PXDNL: variants seen among roughly 807,000 people sequenced by gnomAD.
The protein encoded by PXDNL is peroxidasin like.
Under a neutral mutation model 150.8 loss-of-function variants are expected in PXDNL, and 145 were observed. The observed-to-expected ratio is 0.96, with a 90% confidence interval of 0.84 to 1.10. The LOEUF (loss-of-function observed/expected upper bound fraction) is 1.10, where lower values mean the gene tolerates loss of function less well. PXDNL is among the 50% of genes least tolerant of loss of function. The probability of loss-of-function intolerance (pLI) is 0.00; values close to 1 mark genes in which losing one functional copy is unlikely to be tolerated. For synonymous variants in PXDNL, 757 were observed against 725.7 expected, an observed-to-expected ratio of 1.04 and a Z score of -0.69; for missense variants, 2,087 against 1,873.9, an observed-to-expected ratio of 1.11 and a Z score of -2.10.
chr8:51,768,077 C>T (rs73678993), intron 1 of PXDNL, among the ~76,000 whole-genome samples: 112 of 152,250 alleles, frequency 7.4e-4, no homozygotes, highest in African/African-American at 2.4e-3. Context: ...AAGAGTACTG[C>T]GGAGCTGGGG....
rs181995295 is a variant in PXDNL at position 51,697,315 on chromosome 8, G to T, written c.165-42555C>A. Among the ~76,000 whole-genome samples the T allele has an allele frequency of 3.7e-3, 560 of 151,666 alleles. 11 individuals carry two copies. Among genetic ancestry groups the T allele is most frequent in the East Asian group, 0.02 (103 of 5,128 alleles). On this transcript the variant is annotated intron_variant, in intron 1 of 22. Coordinates refer to ENST00000356297, the MANE Select transcript of PXDNL (RefSeq NM_144651.5). ...CAAGACTCTGTTTTTGCGGGGTGGG[G>T]GTGGGTTGTGAGGGGAAGAAATATA...
intron 21 of PXDNL, among the ~76,000 whole-genome samples, chr8:51,325,391 G>C (rs1262873504): frequency 6.6e-6 from 1 of 152,174 alleles, no homozygotes; most frequent in Non-Finnish European, 1.5e-5. Flanking sequence ...TGCCATGTGG[G>C]AATAGAAGTC....
intron 1 of PXDNL, among the ~76,000 whole-genome samples, chr8:51,747,694 C>T (rs921359981): frequency 2.0e-5 from 3 of 152,170 alleles, no homozygotes; most frequent in Non-Finnish European, 2.9e-5. Context: ...CACCTTGACA[C>T]GAGTTCAAGT....
chr8:51,444,348 C>G (rs1221202833), intron 12 of PXDNL, among the ~76,000 whole-genome samples: 2 of 152,088 alleles, frequency 1.3e-5, no homozygotes, highest in Non-Finnish European at 2.9e-5. Flanking sequence ...CCTCAAGGGT[C>G]TCTGGATCTC....
Position 51,319,825 on chromosome 8 carries a change from T to C in PXDNL, c.*66A>G. The C allele has an allele frequency of 7.3e-7, 1 of 1,369,782 alleles. No homozygotes were observed. The highest frequency in any genetic ancestry group is 9.5e-7 in the Non-Finnish European group (1 of 1,048,128). The allele number at this position is 1,369,782 out of a possible 1,614,324, so 84.9% of individuals were successfully genotyped here. ...AACAATGTGACTACAAGTTAAAAGT[T>C]CTGAAGTCCTAAATGTCTCTTCCTG... is the stretch of plus-strand genomic sequence containing the variant. On this transcript the variant is annotated 3_prime_UTR_variant, in exon 23 of 23. Transcript: ENST00000356297.
intron 12 of PXDNL, among the ~76,000 whole-genome samples, chr8:51,441,508 G>A (rs1172737427): frequency 6.6e-6 from 1 of 152,152 alleles, no homozygotes; most frequent in Non-Finnish European, 1.5e-5. Flanking sequence ...GAAAGCAAAG[G>A]CAGAGCTGAG....
intron 1 of PXDNL, among the ~76,000 whole-genome samples, chr8:51,712,675 T>C (rs1164961795): frequency 2.0e-5 from 3 of 152,208 alleles, no homozygotes; most frequent in African/African-American, 7.2e-5. Context: ...TTAGCTTCTA[T>C]AGTATAAGAA....
intron 1 of PXDNL, among the ~76,000 whole-genome samples, chr8:51,801,166 A>G (rs1011503793): frequency 6.6e-6 from 1 of 152,124 alleles, no homozygotes; most frequent in Non-Finnish European, 1.5e-5. Context: ...AGGTCTATAA[A>G]CAGCCGCTCT....
At chr8:51,576,158 A>G (rs1367158435) in intron 3 of PXDNL, among the ~76,000 whole-genome samples, 6 of 151,378 alleles carry the variant, frequency 4.0e-5, no homozygotes, top group African/African-American at 2.4e-5. Context: ...ATAACTTCAT[A>G]AAACAACACA....
At chr8:51,420,836 G>A (rs540319913) in intron 14 of PXDNL, among the ~76,000 whole-genome samples, 54 of 152,170 alleles carry the variant, frequency 3.5e-4, no homozygotes, top group African/African-American at 1.3e-3. Flanking sequence ...CTACAGGTAA[G>A]CGCCACCATG....
intron 17 of PXDNL, among the ~76,000 whole-genome samples, chr8:51,403,830 G>C (rs1428560754): frequency 6.6e-6 from 1 of 152,036 alleles, no homozygotes; most frequent in East Asian, 1.9e-4. Flanking sequence ...GAATTGGTGA[G>C]GTCTCGGTCT....
intron 2 of PXDNL, among the ~76,000 whole-genome samples, chr8:51,634,806 T>C (rs1279945821): frequency 2.6e-5 from 4 of 152,140 alleles, no homozygotes; most frequent in African/African-American, 7.2e-5. Flanking sequence ...AGAAATGATA[T>C]TGATTTCTGT....
chr8:51,325,990 T>C (rs935993597), intron 21 of PXDNL, among the ~76,000 whole-genome samples: 3 of 152,132 alleles, frequency 2.0e-5, no homozygotes, highest in Admixed American at 6.5e-5. Context: ...TCAGGTTTTG[T>C]TGGGCCTTTT....
At chr8:51,716,799 G>C (rs1816623954) in intron 1 of PXDNL, among the ~76,000 whole-genome samples, 2 of 152,190 alleles carry the variant, frequency 1.3e-5, no homozygotes, top group African/African-American at 2.4e-5. Flanking sequence ...GTAATTGTCA[G>C]GAAGAGCAGA....
chr8:51,665,066 G>T (rs1412541063), intron 1 of PXDNL, among the ~76,000 whole-genome samples: 2 of 152,162 alleles, frequency 1.3e-5, no homozygotes, highest in Non-Finnish European at 2.9e-5. Flanking sequence ...CATCTGCTCG[G>T]GTGCCTCTTG....
At chr8:51,712,772 T>C (rs921687194) in intron 1 of PXDNL, among the ~76,000 whole-genome samples, 3 of 152,248 alleles carry the variant, frequency 2.0e-5, no homozygotes, top group Non-Finnish European at 4.4e-5. Flanking sequence ...TTGGGTTTAT[T>C]GAATTCCTGG....
intron 1 of PXDNL, among the ~76,000 whole-genome samples, chr8:51,673,732 T>G (rs1013205648): frequency 6.6e-6 from 1 of 152,178 alleles, no homozygotes; most frequent in Non-Finnish European, 1.5e-5. Context: ...AAACCAAGAT[T>G]AGAAACCCAA....
chr8:51,796,582 G>C (rs1259724056), intron 1 of PXDNL, among the ~76,000 whole-genome samples: 2 of 152,036 alleles, frequency 1.3e-5, no homozygotes, highest in African/African-American at 2.4e-5. Flanking sequence ...AGAAAAAATG[G>C]TTAAATTCCT....
intron 4 of PXDNL, among the ~76,000 whole-genome samples, chr8:51,546,456 C>T (rs1812362665): frequency 1.3e-5 from 2 of 152,170 alleles, no homozygotes; most frequent in Non-Finnish European, 2.9e-5. Context: ...GTAGGCACTC[C>T]TGGTCACCAG....
Sources: gnomAD v4.1 joint callset for allele counts (sites outside exome capture counted in the v4.1 genomes callset) on GRCh38, gnomAD v4.1.1 for gene constraint, MANE v1.5 for transcripts, NCBI Gene and HGNC (gene_info 2026-07-23, HGNC 2026-07-21) for gene names.